The following CDH13 variants were observed in gnomAD, a reference collection of about 807,000 sequenced individuals.
The protein encoded by CDH13 is cadherin 13, also known as cadherin-13.
In CDH13, 24 loss-of-function variants were observed where a neutral mutation model predicts 63.8. That is an observed-to-expected ratio of 0.38 (90% confidence interval 0.27 to 0.53). The LOEUF is 0.53. Ranked by LOEUF, CDH13 falls within the 20% of genes least tolerant of loss-of-function variation. The pLI, the probability that CDH13 is intolerant of heterozygous loss-of-function variation, is 0.85. For missense variants in CDH13, 1,049 were observed against 903.1 expected (o/e 1.16, Z -2.07); for synonymous variants, 503 against 355.3 (o/e 1.42, Z -4.67).
At chr16:83,021,825 T>C (rs1191749298) in intron 2 of CDH13, among the ~76,000 whole-genome samples, 1 of 152,190 alleles carries the variant, frequency 6.6e-6, no homozygotes, top group African/African-American at 2.4e-5. Flanking sequence ...GTGCTGACTC[T>C]AGGCCAAACA....
At chr16:83,036,010 G>C (rs1269277742) in intron 3 of CDH13, among the ~76,000 whole-genome samples, 1 of 152,136 alleles carries the variant, frequency 6.6e-6, no homozygotes, top group African/African-American at 2.4e-5. Flanking sequence ...TACTGGTGCT[G>C]TTATCATTTG....
chr16:83,098,480 C>T (rs2034312507), intron 3 of CDH13, among the ~76,000 whole-genome samples: 1 of 151,782 alleles, frequency 6.6e-6, no homozygotes, highest in Admixed American at 6.6e-5. Flanking sequence ...TATATCCATC[C>T]AACATTATTT....
At chr16:83,039,917 T>G (rs138557495) in intron 3 of CDH13, among the ~76,000 whole-genome samples, 2 of 152,046 alleles carry the variant, frequency 1.3e-5, no homozygotes, top group Non-Finnish European at 2.9e-5. Context: ...TTTCCTTCTT[T>G]GGGAACAGCT....
intron 2 of CDH13, among the ~76,000 whole-genome samples, chr16:82,925,694 C>G (rs543912944): frequency 2.2e-4 from 33 of 152,200 alleles, no homozygotes; most frequent in Non-Finnish European, 4.1e-4. Context: ...ACATGTCAGA[C>G]AGCCAGAAAT....
intron 13 of CDH13, among the ~76,000 whole-genome samples, chr16:83,791,099 G>C (rs763925458): frequency 1.3e-5 from 2 of 151,298 alleles, no homozygotes; most frequent in Non-Finnish European, 2.9e-5. Flanking sequence ...GGGTGGATTG[G>C]ATAAGGCTGG....
chr16:82,741,307 G>A (rs1225976148), intron 1 of CDH13, among the ~76,000 whole-genome samples: 1 of 152,054 alleles, frequency 6.6e-6, no homozygotes, highest in East Asian at 1.9e-4. Context: ...TCCTTTGCTG[G>A]GACACTCTCT....
intron 6 of CDH13, among the ~76,000 whole-genome samples, chr16:83,457,641 C>A (rs2073059816): frequency 6.6e-6 from 1 of 152,096 alleles, no homozygotes; most frequent in Non-Finnish European, 1.5e-5. Flanking sequence ...GCAGACTCTG[C>A]TTTAGAGAGA....
chr16:83,175,515 G>A (rs1370757954), intron 4 of CDH13, among the ~76,000 whole-genome samples: 1 of 152,046 alleles, frequency 6.6e-6, no homozygotes, highest in Non-Finnish European at 1.5e-5. Flanking sequence ...GGGGATGGGG[G>A]CACCACTGAC....
chr16:83,691,071 C>CGTGTGTGT lies in CDH13; in HGVS notation c.1538+12651_1538+12658dup, dbSNP rs58023339. Among the ~76,000 whole-genome samples the CGTGTGTGT allele has an allele frequency of 1.6e-3, 224 of 141,002 alleles. 3 individuals are homozygous for CGTGTGTGT. The highest frequency in any genetic ancestry group is 0.013 in the Admixed American group (179 of 13,858). The allele number at this position is 141,002 out of a possible 152,430, so 92.5% of individuals were successfully genotyped here. A position where few individuals can be genotyped will look rare whatever the true frequency, so the allele number is the denominator to read the frequency against. On this transcript the variant is annotated intron_variant, in intron 10 of 13. Transcript: ENST00000567109. The stretch of plus-strand genomic sequence containing the variant: ...ACAGGGATTTGCTAACCAACTGTGC[C>CGTGTGTGT]GTGTGTGTGTGTGTGTGTGTGTGTG...
chr16:82,639,337 T>C, intron 1 of CDH13: 1 of 1,508,076 alleles, frequency 6.6e-7, no homozygotes, highest in Non-Finnish European at 8.9e-7. Context: ...GTTCTTTGTC[T>C]CCATGTCCTT....
intron 11 of CDH13, among the ~76,000 whole-genome samples, chr16:83,761,197 A>G (rs897641260): frequency 6.6e-6 from 1 of 152,222 alleles, no homozygotes; most frequent in Non-Finnish European, 1.5e-5. Context: ...GTTAACAGAA[A>G]TAAAGAGCCC....
chr16:82,931,832 C>G (rs1261083315), intron 2 of CDH13, among the ~76,000 whole-genome samples: 1 of 152,084 alleles, frequency 6.6e-6, no homozygotes, highest in Non-Finnish European at 1.5e-5. Flanking sequence ...TCATTATTTC[C>G]CACATGGTCC....
intron 1 of CDH13, chr16:82,824,589 C>T (rs1010941513): frequency 2.6e-5 from 4 of 152,152 alleles, no homozygotes; most frequent in African/African-American, 4.8e-5. Flanking sequence ...ATCCAGCCTC[C>T]AGGATGTATC....
intron 4 of CDH13, among the ~76,000 whole-genome samples, chr16:83,209,382 C>G (rs977091406): frequency 2.0e-5 from 3 of 152,072 alleles, no homozygotes; most frequent in African/African-American, 7.2e-5. Flanking sequence ...AACAGACATC[C>G]GGGTGCATCC....
chr16:83,430,580 C>T (rs1026975456), intron 6 of CDH13, among the ~76,000 whole-genome samples: 4 of 152,064 alleles, frequency 2.6e-5, no homozygotes, highest in Non-Finnish European at 5.9e-5. Context: ...ATGTCTTATC[C>T]ATAGAATTTC....
chr16:83,461,557 A>T (rs763095080), intron 6 of CDH13, among the ~76,000 whole-genome samples: 1 of 152,184 alleles, frequency 6.6e-6, no homozygotes, highest in African/African-American at 2.4e-5. Context: ...CACAAACAAT[A>T]TTGGGGTCTT....
At chr16:82,637,395 C>T (rs1908784570) in intron 1 of CDH13, among the ~76,000 whole-genome samples, 1 of 148,470 alleles carries the variant, frequency 6.7e-6, no homozygotes, top group African/African-American at 2.5e-5. Flanking sequence ...GGTACTTTAT[C>T]CTCAGAAGCT....
At chr16:82,837,208 T>A (rs1311804256) in intron 1 of CDH13, among the ~76,000 whole-genome samples, 1 of 152,100 alleles carries the variant, frequency 6.6e-6, no homozygotes, top group African/African-American at 2.4e-5. Flanking sequence ...CTCAGCGGGG[T>A]GACCTCCCAT....
chr16:83,084,648 G>T (rs558246262), intron 3 of CDH13, among the ~76,000 whole-genome samples: 1 of 152,100 alleles, frequency 6.6e-6, no homozygotes, highest in Non-Finnish European at 1.5e-5. Context: ...CAACACATCC[G>T]GAGGCTGAGG....
Sources: allele counts gnomAD v4.1 joint callset (sites outside exome capture counted in the v4.1 genomes callset), GRCh38; gene constraint gnomAD v4.1.1; transcripts MANE v1.5; gene names NCBI Gene and HGNC (gene_info 2026-07-23, HGNC 2026-07-21).